Variants in NSMCE2 observed in about 807,000 individuals in gnomAD.
The protein encoded by NSMCE2 is E3 SUMO-protein ligase NSE2.
Under a neutral mutation model 23.8 loss-of-function variants are expected in NSMCE2, and 24 were observed. The ratio of observed to expected loss-of-function variants is 1.01; its 90% CI spans 0.73 to 1.42. The LOEUF (loss-of-function observed/expected upper bound fraction) is 1.42. NSMCE2 is among the 40% of genes most tolerant of loss of function. The pLI is 0.00. For missense variants in NSMCE2, 284 were observed against 296.5 expected (o/e 0.96, Z 0.31); for synonymous variants, 92 against 94.1 (o/e 0.98, Z 0.13).
At chr8:125,270,033 C>T (rs777170311) in intron 5 of NSMCE2, among the ~76,000 whole-genome samples, 3 of 152,222 alleles carry the variant, frequency 2.0e-5, no homozygotes, top group Non-Finnish European at 2.9e-5. Flanking sequence ...TCAATACAGT[C>T]TTGCAACTGT....
chr8:125,215,686 T>C (rs1824550116), intron 5 of NSMCE2, among the ~76,000 whole-genome samples: 1 of 152,210 alleles, frequency 6.6e-6, no homozygotes. Context: ...TTTAAGTCTT[T>C]AATCCATCTT....
intron 3 of NSMCE2, among the ~76,000 whole-genome samples, chr8:125,123,179 A>C (rs1243739754): frequency 2.0e-5 from 3 of 152,208 alleles, no homozygotes; most frequent in Non-Finnish European, 2.9e-5. Flanking sequence ...TAATTTTTAC[A>C]AAGAGTACGA....
At chr8:125,217,044 G>C (rs1221144045) in intron 5 of NSMCE2, among the ~76,000 whole-genome samples, 1 of 152,156 alleles carries the variant, frequency 6.6e-6, no homozygotes, top group African/African-American at 2.4e-5. Context: ...GATTTATTAA[G>C]CACCTATACT....
rs57536119 is a variant in NSMCE2, at chr8:125,220,973, C to T, written c.418+38717C>T. On this transcript the variant is annotated intron_variant, in intron 5 of 7. Coordinates refer to ENST00000287437, the MANE Select transcript of NSMCE2 (RefSeq NM_173685.4). ...GGCCCTGTGTGTGCTAAAAATATCT[C>T]GAAGGTATTTTTTATGTTCCAAAGG... Among the ~76,000 whole-genome samples, 752 of 152,170 alleles carry T rather than the reference C, an allele frequency of 4.9e-3. 4 individuals carry two copies. The highest frequency in any genetic ancestry group is 0.017 in the African/African-American group (715 of 41,516).
chr8:125,227,376 C>T (rs1303389482), intron 5 of NSMCE2, among the ~76,000 whole-genome samples: 4 of 152,170 alleles, frequency 2.6e-5, no homozygotes, highest in African/African-American at 9.7e-5. Context: ...TTGTCAGTAG[C>T]GTGACTGCAG....
chr8:125,297,066 T>G (rs938888914), intron 5 of NSMCE2, among the ~76,000 whole-genome samples: 23 of 152,222 alleles, frequency 1.5e-4, no homozygotes, highest in African/African-American at 5.1e-4. Flanking sequence ...TTACAATCAC[T>G]TCACTGGGCC....
chr8:125,191,658 A>G (rs574417052), intron 5 of NSMCE2, among the ~76,000 whole-genome samples: 1 of 152,328 alleles, frequency 6.6e-6, no homozygotes, highest in Admixed American at 6.5e-5. Flanking sequence ...ACAGTGCCTA[A>G]GAATTATGTT....
chr8:125,239,851 A>G (rs779205532), intron 5 of NSMCE2, among the ~76,000 whole-genome samples: 1 of 152,170 alleles, frequency 6.6e-6, no homozygotes, highest in Admixed American at 6.5e-5. Context: ...ATAGAAAAGT[A>G]TATAACCTGT....
intron 5 of NSMCE2, among the ~76,000 whole-genome samples, chr8:125,278,988 T>A (rs1563759957): frequency 6.6e-6 from 1 of 152,088 alleles, no homozygotes; most frequent in South Asian, 2.1e-4. Flanking sequence ...GCATATTAAA[T>A]ATTTTGTGTT....
intron 5 of NSMCE2, among the ~76,000 whole-genome samples, chr8:125,271,735 A>AT (rs546074365): frequency 1.2e-4 from 18 of 152,136 alleles, no homozygotes; most frequent in Non-Finnish European, 2.6e-4. Context: ...TGCATGCTTG[A>AT]TTTTATTGCT....
intron 3 of NSMCE2, among the ~76,000 whole-genome samples, chr8:125,122,254 A>G (rs540020794): frequency 1.3e-5 from 2 of 152,142 alleles, no homozygotes; most frequent in East Asian, 1.9e-4. Context: ...AGATACTTCA[A>G]CAAATCTCTA....
intron 4 of NSMCE2, among the ~76,000 whole-genome samples, chr8:125,171,268 C>T (rs1327072001): frequency 6.6e-6 from 1 of 152,202 alleles, no homozygotes; most frequent in African/African-American, 2.4e-5. Flanking sequence ...TCCACAAGGG[C>T]AGGAACTGGT....
intron 5 of NSMCE2, among the ~76,000 whole-genome samples, chr8:125,200,809 CCAAT>C (rs1823838136): frequency 1.3e-5 from 2 of 152,210 alleles, no homozygotes; most frequent in African/African-American, 4.8e-5. Flanking sequence ...TTCAGCTACA[CCAAT>C]CAAACGTAGG....
At chr8:125,281,208 C>T (rs753553250) in intron 5 of NSMCE2, among the ~76,000 whole-genome samples, 1 of 152,210 alleles carries the variant, frequency 6.6e-6, no homozygotes, top group Admixed American at 6.5e-5. Context: ...CAAACAACAG[C>T]ATGGGTTATT....
intron 5 of NSMCE2, among the ~76,000 whole-genome samples, chr8:125,209,186 T>A (rs1286446349): frequency 6.6e-6 from 1 of 152,134 alleles, no homozygotes; most frequent in Non-Finnish European, 1.5e-5. Flanking sequence ...ATAAGGGAAA[T>A]GCACATTTTG....
intron 3 of NSMCE2, among the ~76,000 whole-genome samples, chr8:125,143,115 C>A (rs1483325149): frequency 3.3e-5 from 5 of 152,038 alleles, no homozygotes; most frequent in African/African-American, 9.7e-5. Flanking sequence ...CACACACACA[C>A]ACACACAGAG....
At chr8:125,304,189 C>T (rs974670806) in intron 5 of NSMCE2, among the ~76,000 whole-genome samples, 8 of 152,272 alleles carry the variant, frequency 5.3e-5, no homozygotes, top group Middle Eastern at 3.4e-3. Flanking sequence ...TAGCCTCATT[C>T]GACTCTAATC....
intron 5 of NSMCE2, among the ~76,000 whole-genome samples, chr8:125,257,305 A>T (rs1312410782): frequency 7.3e-5 from 11 of 150,984 alleles, no homozygotes; most frequent in African/African-American, 2.2e-4. Context: ...AAAAAAAAAG[A>T]CATTTAAAGG....
At chr8:125,198,547 C>G (rs1180661901) in intron 5 of NSMCE2, among the ~76,000 whole-genome samples, 2 of 152,144 alleles carry the variant, frequency 1.3e-5, no homozygotes, top group Non-Finnish European at 2.9e-5. Flanking sequence ...CCTACTTGAT[C>G]GTGGTGGATA....
Sources: gnomAD v4.1 joint callset for allele counts (sites outside exome capture counted in the v4.1 genomes callset) on GRCh38, gnomAD v4.1.1 for gene constraint, MANE v1.5 for transcripts, NCBI Gene and HGNC (gene_info 2026-07-23, HGNC 2026-07-21) for gene names.